RORA: variants seen among roughly 807,000 people sequenced by gnomAD.
The protein encoded by RORA is RAR related orphan receptor A.
A neutral mutation model predicts 69.5 loss-of-function variants in RORA; 7 were observed. The ratio of observed to expected loss-of-function variants is 0.10; its 90% CI spans 0.06 to 0.19. The LOEUF is 0.19. Among genes scored for constraint, RORA ranks in the 10% least tolerant of loss-of-function variants. The pLI is 1.00. For synonymous variants in RORA, 261 were observed against 240.8 expected, an observed-to-expected ratio of 1.08 and a Z score of -0.78; for missense variants, 457 against 663.0, an observed-to-expected ratio of 0.69 and a Z score of 3.41.
At chr15:60,801,675 GGA>G (rs1253133847) in intron 1 of RORA, among the ~76,000 whole-genome samples, 2 of 152,204 alleles carry the variant, frequency 1.3e-5, no homozygotes, top group Admixed American at 6.5e-5. Flanking sequence ...TGAAAGCCCG[GGA>G]GAGGCACGCC....
At chr15:60,715,329 T>C (rs1197359409) in intron 1 of RORA, among the ~76,000 whole-genome samples, 3 of 152,220 alleles carry the variant, frequency 2.0e-5, no homozygotes, top group African/African-American at 7.2e-5. Flanking sequence ...AATGAGAAAC[T>C]TTTTTGAACA....
chr15:60,795,648 C>T (rs962850093), intron 1 of RORA, among the ~76,000 whole-genome samples: 1 of 152,196 alleles, frequency 6.6e-6, no homozygotes, highest in Non-Finnish European at 1.5e-5. Flanking sequence ...TGCCCTCCCT[C>T]CCTCCATGGT....
Position 61,075,960 on chromosome 15 carries a change from C to T in RORA, c.166+153093G>A, listed in dbSNP as rs374409646. Among the ~76,000 whole-genome samples, 3 of 152,174 alleles carry T rather than the reference C, an allele frequency of 2.0e-5. No homozygotes were observed. The East Asian group carries it at 5.8e-4, about 29-fold the overall frequency. On this transcript the variant is annotated intron_variant, in intron 1 of 10. Coordinates refer to ENST00000335670, the MANE Select transcript of RORA (RefSeq NM_134261.3). ...AAAGCATCCAAAGGAGAGAAGCTGC[C>T]ACATTGTTACCCTGCTGAGGCAGCT... is the stretch of plus-strand genomic sequence containing the variant.
intron 1 of RORA, among the ~76,000 whole-genome samples, chr15:60,792,944 T>A (rs953608360): frequency 2.6e-5 from 4 of 152,054 alleles, no homozygotes; most frequent in African/African-American, 9.7e-5. Flanking sequence ...AATGACACAT[T>A]GCCTCTTTGT....
chr15:61,087,621 G>T (rs1472027922), intron 1 of RORA, among the ~76,000 whole-genome samples: 1 of 152,230 alleles, frequency 6.6e-6, no homozygotes, highest in Non-Finnish European at 1.5e-5. Flanking sequence ...GGGGACAAAT[G>T]AGGTCTTGAG....
chr15:60,715,004 T>C (rs923008833), intron 1 of RORA, among the ~76,000 whole-genome samples: 1 of 152,162 alleles, frequency 6.6e-6, no homozygotes, highest in Non-Finnish European at 1.5e-5. Flanking sequence ...TCCCATCAAA[T>C]GAATTTTTCA....
At chr15:60,904,933 A>G (rs1483585092) in intron 1 of RORA, among the ~76,000 whole-genome samples, 2 of 152,158 alleles carry the variant, frequency 1.3e-5, no homozygotes, top group Non-Finnish European at 2.9e-5. Context: ...TGGTGAGTGG[A>G]AGCCCAGATT....
chr15:61,148,365 G>T (rs1383333068), intron 1 of RORA, among the ~76,000 whole-genome samples: 1 of 152,202 alleles, frequency 6.6e-6, no homozygotes, highest in Non-Finnish European at 1.5e-5. Context: ...GTATTCAGAA[G>T]ATGGTGCCGG....
intron 3 of RORA, among the ~76,000 whole-genome samples, chr15:60,523,050 C>CAA (rs371105995): frequency 0.03 from 4,451 of 148,336 alleles, 226 homozygotes; most frequent in African/African-American, 0.11. Context: ...AAAAAAAACA[C>CAA]AAAAAAAAAA....
intron 1 of RORA, among the ~76,000 whole-genome samples, chr15:60,695,512 A>G (rs1420366186): frequency 6.6e-6 from 1 of 151,840 alleles, no homozygotes; most frequent in African/African-American, 2.4e-5. Flanking sequence ...TAAATATTCC[A>G]AATAATTCTT....
intron 1 of RORA, among the ~76,000 whole-genome samples, chr15:60,804,823 C>T (rs139607462): frequency 6.6e-6 from 1 of 152,316 alleles, no homozygotes; most frequent in East Asian, 1.9e-4. Flanking sequence ...CAGTTAATAT[C>T]TCTTTACAAC....
chr15:61,093,558 T>A (rs1412269208), intron 1 of RORA, among the ~76,000 whole-genome samples: 1 of 152,232 alleles, frequency 6.6e-6, no homozygotes, highest in Non-Finnish European at 1.5e-5. Flanking sequence ...CAGAAAACCA[T>A]GCAGGAGAGT....
At chr15:60,765,605 T>C (rs1343354243) in intron 1 of RORA, 3 of 152,168 alleles carry the variant, frequency 2.0e-5, no homozygotes, top group African/African-American at 7.2e-5. Flanking sequence ...ATTTTTTGCC[T>C]TCCATGAGAC....
intron 1 of RORA, among the ~76,000 whole-genome samples, chr15:61,110,396 A>C (rs1229703073): frequency 6.6e-6 from 1 of 151,266 alleles, no homozygotes; most frequent in East Asian, 1.9e-4. Flanking sequence ...TCAGTCTCAA[A>C]AAAAAAAAAA....
chr15:60,557,172 T>TAGTA (rs1234933976), intron 2 of RORA, among the ~76,000 whole-genome samples: 2 of 152,238 alleles, frequency 1.3e-5, no homozygotes, highest in African/African-American at 4.8e-5. Flanking sequence ...CTGCCACCTG[T>TAGTA]AGTACTCTCT....
intron 1 of RORA, among the ~76,000 whole-genome samples, chr15:60,793,047 A>G (rs2072440169): frequency 6.6e-6 from 1 of 152,084 alleles, no homozygotes; most frequent in Non-Finnish European, 1.5e-5. Flanking sequence ...AGAGAAAAAA[A>G]AAAAGAGAAA....
intron 1 of RORA, among the ~76,000 whole-genome samples, chr15:60,727,337 A>T (rs1340689004): frequency 6.6e-6 from 1 of 152,180 alleles, no homozygotes; most frequent in Admixed American, 6.5e-5. Context: ...CTGAATTCCC[A>T]ACATACCTTC....
intron 1 of RORA, among the ~76,000 whole-genome samples, chr15:60,919,807 G>C (rs1198140566): frequency 1.3e-5 from 2 of 152,068 alleles, no homozygotes; most frequent in African/African-American, 2.4e-5. Flanking sequence ...CCTGATATCT[G>C]CTTTTGTTTT....
intron 1 of RORA, among the ~76,000 whole-genome samples, chr15:60,745,693 G>A (rs1301250221): frequency 2.0e-5 from 3 of 152,210 alleles, no homozygotes; most frequent in African/African-American, 4.8e-5. Context: ...GATTCCAGCT[G>A]CTGAGCCATG....
Sources: allele counts gnomAD v4.1 joint callset (sites outside exome capture counted in the v4.1 genomes callset), GRCh38; gene constraint gnomAD v4.1.1; transcripts MANE v1.5; gene names NCBI Gene and HGNC (gene_info 2026-07-23, HGNC 2026-07-21).